CNTLN: variants seen among roughly 807,000 people sequenced by gnomAD.
CNTLN encodes the protein centlein, centrosomal protein.
A neutral mutation model predicts 180.0 loss-of-function variants in CNTLN; 212 were observed. The ratio of observed to expected loss-of-function variants is 1.18; its 90% CI spans 1.05 to 1.32. The LOEUF is 1.32. CNTLN is among the 40% of genes most tolerant of loss of function. CNTLN has a pLI of 0.00. For missense variants in CNTLN, 2,095 were observed against 1,610.9 expected, an observed-to-expected ratio of 1.30 and a Z score of -5.14; for synonymous variants, 722 against 563.1, an observed-to-expected ratio of 1.28 and a Z score of -3.99.
chr9:17,146,784 A>G (rs1034624588), intron 2 of CNTLN, among the ~76,000 whole-genome samples: 2 of 152,166 alleles, frequency 1.3e-5, no homozygotes, highest in African/African-American at 4.8e-5. Flanking sequence ...TCAAATTATT[A>G]CTTCTAAAAA....
chr9:17,205,682 G>C (rs556086508), intron 2 of CNTLN, among the ~76,000 whole-genome samples: 2 of 152,258 alleles, frequency 1.3e-5, no homozygotes, highest in South Asian at 4.1e-4. Flanking sequence ...AGTAGCAAAT[G>C]GCCTTACTAC....
rs185784529 is a variant in CNTLN, at chr9:17,268,214, A to C, written c.850-5519A>C. Among the ~76,000 whole-genome samples the C allele has an allele frequency of 5.7e-3, 869 of 151,944 alleles. 14 individuals carry two copies. Among genetic ancestry groups the C allele is most frequent in the East Asian group, 0.048 (250 of 5,158 alleles). ...GGTGGTGACTTACAGATGGGTTTTT[A>C]GTGTGGATGTGCTTTTTGTTTGTTA... On this transcript the variant is annotated intron_variant, in intron 5 of 25. Coordinates refer to ENST00000380647, the MANE Select transcript of CNTLN (RefSeq NM_017738.4).
At chr9:17,317,377 C>T (rs1204352352) in intron 8 of CNTLN, among the ~76,000 whole-genome samples, 2 of 151,986 alleles carry the variant, frequency 1.3e-5, no homozygotes, top group East Asian at 3.9e-4. Context: ...TAGTAAAATG[C>T]AGGAATCATA....
intron 2 of CNTLN, among the ~76,000 whole-genome samples, chr9:17,211,500 C>G (rs921894783): frequency 3.3e-5 from 5 of 152,180 alleles, no homozygotes; most frequent in African/African-American, 9.7e-5. Context: ...ATTCCTCCAG[C>G]TTTGTTCTTT....
chr9:17,310,009 T>C (rs1178923977), intron 8 of CNTLN, among the ~76,000 whole-genome samples: 2 of 152,146 alleles, frequency 1.3e-5, no homozygotes, highest in Non-Finnish European at 2.9e-5. Flanking sequence ...TTGTACCATA[T>C]TGTATGCATT....
chr9:17,509,354 C>G, the CNTLN span, among the ~76,000 whole-genome samples: 4 of 152,196 alleles, frequency 2.6e-5, no homozygotes, highest in African/African-American at 4.8e-5. Context: ...AATAGACACT[C>G]TGGATGTGGG....
At chr9:17,436,409 C>A (rs1391488188) in intron 18 of CNTLN, among the ~76,000 whole-genome samples, 1 of 152,110 alleles carries the variant, frequency 6.6e-6, no homozygotes, top group East Asian at 1.9e-4. Context: ...TTACATTAAC[C>A]AAATAATCTT....
chr9:17,260,588 C>T (rs903762483), intron 5 of CNTLN, among the ~76,000 whole-genome samples: 3 of 151,266 alleles, frequency 2.0e-5, no homozygotes, highest in Admixed American at 2.0e-4. Flanking sequence ...CTGTTAGATG[C>T]ATAATTTGTG....
At chr9:17,256,603 C>A (rs1263207813) in intron 5 of CNTLN, among the ~76,000 whole-genome samples, 1 of 150,710 alleles carries the variant, frequency 6.6e-6, no homozygotes, top group Admixed American at 6.6e-5. Flanking sequence ...CTTTTATTTG[C>A]AATTCTAGAA....
intron 5 of CNTLN, 57 bp downstream of exon 5, chr9:17,236,645 G>C: frequency 7.4e-7 from 1 of 1,359,808 alleles, no homozygotes; most frequent in African/African-American, 1.5e-5. Flanking sequence ...TTTCTAGGAA[G>C]TTTAATACAT....
the CNTLN span, among the ~76,000 whole-genome samples, chr9:17,509,340 C>A: frequency 6.6e-6 from 1 of 152,216 alleles, no homozygotes. Context: ...TTTGTTCTTA[C>A]TAGAATAGAC....
In CNTLN at chr9:17,342,438, T is replaced by C; in HGVS notation, c.1880T>C (p.Ile627Thr). Residue 627 changes from isoleucine (I) to threonine (T), a missense_variant, in exon 12 of 26, where the codon ATT (isoleucine) becomes ACT (threonine). Coordinates refer to ENST00000380647, the MANE Select transcript of CNTLN (RefSeq NM_017738.4). ...AAAAGGGAAAACCAGGAGCTAATGA[T>C]TCAAAAGTGAGTTTCATTTTTAACA... ...YFKRENQELMIQKMNLEEELD... is the reference protein window; with the variant it reads ...YFKRENQELMTQKMNLEEELD... 6.3e-7 allele frequency: 1 copy of C among 1,596,592 alleles called. No homozygotes were observed. Among genetic ancestry groups the C allele is most frequent in the Non-Finnish European group, 8.5e-7 (1 of 1,174,802 alleles).
intron 2 of CNTLN, among the ~76,000 whole-genome samples, chr9:17,185,895 T>G (rs1821407824): frequency 6.6e-6 from 1 of 151,738 alleles, no homozygotes; most frequent in Non-Finnish European, 1.5e-5. Flanking sequence ...TGGGCTCAAG[T>G]GATTCTCCCA....
chr9:17,387,348 A>C (rs184456626), intron 13 of CNTLN, among the ~76,000 whole-genome samples: 2 of 152,254 alleles, frequency 1.3e-5, no homozygotes, highest in East Asian at 1.9e-4. Flanking sequence ...TCCTTAAGAA[A>C]TGTTATATTC....
intron 18 of CNTLN, chr9:17,447,075 C>G: frequency 5.3e-6 from 1 of 189,608 alleles, no homozygotes; most frequent in East Asian, 1.3e-4. Flanking sequence ...CGCATTTACT[C>G]TGAGAGAAAT....
At chr9:17,444,201 G>A (rs959248762) in intron 18 of CNTLN, 5 of 152,132 alleles carry the variant, frequency 3.3e-5, no homozygotes, top group Admixed American at 2.0e-4. Flanking sequence ...TTCCAGACCA[G>A]ACCAGCTTTC....
intron 5 of CNTLN, among the ~76,000 whole-genome samples, chr9:17,241,003 C>T (rs1032689929): frequency 6.6e-6 from 1 of 152,086 alleles, no homozygotes; most frequent in African/African-American, 2.4e-5. Flanking sequence ...GGACTACAGG[C>T]GCCCGGCACC....
intron 12 of CNTLN, among the ~76,000 whole-genome samples, chr9:17,365,369 T>C (rs894816442): frequency 6.6e-6 from 1 of 152,204 alleles, no homozygotes; most frequent in Admixed American, 6.5e-5. Context: ...CTGTACAGTC[T>C]GTGGAACTGT....
intron 18 of CNTLN, among the ~76,000 whole-genome samples, chr9:17,439,621 C>A (rs565561234): frequency 6.6e-6 from 1 of 152,276 alleles, no homozygotes; most frequent in East Asian, 1.9e-4. Flanking sequence ...AATCACAGAG[C>A]TAAACATTTT....
Sources: allele counts gnomAD v4.1 joint callset (sites outside exome capture counted in the v4.1 genomes callset), GRCh38; gene constraint gnomAD v4.1.1; transcripts MANE v1.5; gene names NCBI Gene and HGNC (gene_info 2026-07-23, HGNC 2026-07-21).